The following PRRX2 variants were observed in gnomAD, a reference collection of about 807,000 sequenced individuals.
PRRX2 encodes paired mesoderm homeobox protein 2.
In PRRX2, 11 loss-of-function variants were observed where a neutral mutation model predicts 18.0. The ratio of observed to expected loss-of-function variants is 0.61; its 90% CI spans 0.39 to 1.01. PRRX2 has a LOEUF of 1.01. Ranked by LOEUF, PRRX2 falls within the 50% of genes least tolerant of loss-of-function variation. The pLI, the probability that PRRX2 is intolerant of heterozygous loss-of-function variation, is 0.01. For synonymous variants in PRRX2, 177 were observed against 154.8 expected (o/e 1.14, Z -1.06); for missense variants, 387 against 351.0 (o/e 1.10, Z -0.82).
At chr9:129,669,931 C>G (rs1473086402) in intron 1 of PRRX2, among the ~76,000 whole-genome samples, 2 of 151,510 alleles carry the variant, frequency 1.3e-5, no homozygotes, top group African/African-American at 4.9e-5. Flanking sequence ...CAGTCGCCAC[C>G]ACCATCCATC....
chr9:129,698,270 G>T (rs1176916351), intron 1 of PRRX2, among the ~76,000 whole-genome samples: 1 of 117,608 alleles, frequency 8.5e-6, no homozygotes, highest in Non-Finnish European at 1.9e-5. Flanking sequence ...GGGGGGGGGG[G>T]GGCGGGGGCA....
chr9:129,719,226 C>G lies in PRRX2; in HGVS notation c.260-5C>G. ...CTGACCATCCCGCCCCCCCAACCTCCGCAGGTGAGTGTCCCAGCCCGGGGC... is the reference window on the plus strand; with the variant it reads ...CTGACCATCCCGCCCCCCCAACCTCGGCAGGTGAGTGTCCCAGCCCGGGGC... On this transcript the variant is annotated splice_polypyrimidine_tract_variant and splice_region_variant and intron_variant, in intron 1 of 3. Coordinates refer to ENST00000372469, the MANE Select transcript of PRRX2 (RefSeq NM_016307.4). The G allele has an allele frequency of 6.3e-7, 1 of 1,577,758 alleles. No homozygotes were observed. Among genetic ancestry groups the G allele is most frequent in the Non-Finnish European group, 8.6e-7 (1 of 1,161,486 alleles).
At chr9:129,703,117 C>G (rs1052085070) in intron 1 of PRRX2, among the ~76,000 whole-genome samples, 2 of 152,210 alleles carry the variant, frequency 1.3e-5, no homozygotes, top group Non-Finnish European at 2.9e-5. Flanking sequence ...GGCCCCGTGC[C>G]CAGACTCTGA....
intron 1 of PRRX2, among the ~76,000 whole-genome samples, chr9:129,667,899 C>T (rs7032080): frequency 0.44 from 67,179 of 152,032 alleles, 15,401 homozygotes; most frequent in African/African-American, 0.55. Context: ...TCCTGGAGAG[C>T]CCATGAGGCC....
intron 1 of PRRX2, among the ~76,000 whole-genome samples, chr9:129,701,819 G>A (rs1306167318): frequency 6.6e-6 from 1 of 152,224 alleles, no homozygotes; most frequent in Admixed American, 6.5e-5. Context: ...ATGTCCTTAG[G>A]CCAGGCGCAG....
At chr9:129,702,464 A>C in intron 1 of PRRX2, among the ~76,000 whole-genome samples, 1 of 152,118 alleles carries the variant, frequency 6.6e-6, no homozygotes, top group South Asian at 2.1e-4. Context: ...TGTGCTGTCC[A>C]ATGTGGCGGC....
chr9:129,688,939 A>AGT (rs1189996143), intron 1 of PRRX2, among the ~76,000 whole-genome samples: 2 of 152,202 alleles, frequency 1.3e-5, no homozygotes, highest in African/African-American at 4.8e-5. Context: ...AGGAAAGGAA[A>AGT]GTGTCTGTCC....
At position 129,722,497 on chromosome 9, in the gene PRRX2, G is replaced by A. The variant is rs780394237; in HGVS notation, c.*145G>A. The stretch of plus-strand genomic sequence containing the variant: ...ACTCCCGAGCCCACGAGGCTGTTGA[G>A]GCCCCTGCAGCCGGGCCCAGCTCTT... On this transcript the variant is annotated 3_prime_UTR_variant, in exon 4 of 4. Transcript: ENST00000372469. 2 of 915,170 alleles carry A rather than the reference G, an allele frequency of 2.2e-6. No individual in the cohort carries two copies. Among genetic ancestry groups the A allele is most frequent in the Non-Finnish European group, 2.9e-6 (2 of 695,116 alleles). The allele number at this position is 915,170 out of a possible 1,614,324, so 56.7% of individuals were successfully genotyped here.
chr9:129,669,267 C>T (rs748165371), intron 1 of PRRX2, among the ~76,000 whole-genome samples: 8 of 152,190 alleles, frequency 5.3e-5, no homozygotes, highest in African/African-American at 1.7e-4. Context: ...CCGGGAAGAC[C>T]GTGGCTTCGC....
intron 1 of PRRX2, among the ~76,000 whole-genome samples, chr9:129,702,253 C>G (rs777571656): frequency 1.3e-5 from 2 of 149,932 alleles, no homozygotes; most frequent in Non-Finnish European, 3.0e-5. Context: ...AAAGCATTAG[C>G]TGGGCATGGT....
intron 1 of PRRX2, among the ~76,000 whole-genome samples, chr9:129,704,172 A>G (rs1028141397): frequency 1.3e-5 from 2 of 152,188 alleles, no homozygotes; most frequent in Non-Finnish European, 2.9e-5. Context: ...AGAGTTCTCA[A>G]GGGGGGTTCA....
In PRRX2 at chr9:129,665,838, C is replaced by A; in HGVS notation, c.-30C>A. 9.7e-7 allele frequency: 1 copy of A among 1,028,348 alleles called. No homozygotes were observed. Among genetic ancestry groups the A allele is most frequent in the Non-Finnish European group, 1.2e-6 (1 of 860,198 alleles). 63.7% of individuals were successfully genotyped at this position (1,028,348 alleles called of 1,614,324 possible). On this transcript the variant is annotated 5_prime_UTR_variant, in exon 1 of 4. Coordinates refer to ENST00000372469, the MANE Select transcript of PRRX2 (RefSeq NM_016307.4). This position sits in a 1 kb window ranked among gnomAD's most constrained non-coding sequence, Gnocchi z 5.3. The stretch of plus-strand genomic sequence containing the variant: ...TTCCTGGGACCCGAGCCCGAGACCC[C>A]CGCCGGCCCCCCCGGGGCCGCTCGC...
chr9:129,670,538 C>T (rs946285910), intron 1 of PRRX2, among the ~76,000 whole-genome samples: 7 of 152,230 alleles, frequency 4.6e-5, no homozygotes, highest in Admixed American at 2.0e-4. Flanking sequence ...CCATACCTGG[C>T]TAATTTTTGT....
At chr9:129,682,276 G>A (rs1394721699) in intron 1 of PRRX2, among the ~76,000 whole-genome samples, 1 of 152,038 alleles carries the variant, frequency 6.6e-6, no homozygotes, top group Non-Finnish European at 1.5e-5. Flanking sequence ...AGAGAGATAG[G>A]AAGCACTTCA....
intron 1 of PRRX2, among the ~76,000 whole-genome samples, chr9:129,702,229 C>T (rs986224665): frequency 1.5e-4 from 22 of 151,454 alleles, no homozygotes; most frequent in Non-Finnish European, 2.7e-4. Context: ...AACCCTGTCT[C>T]TACTAAAAAT....
At chr9:129,672,292 A>G (rs73670155) in intron 1 of PRRX2, among the ~76,000 whole-genome samples, 8,431 of 152,170 alleles carry the variant, frequency 0.055, 267 homozygotes, top group Middle Eastern at 0.1. Flanking sequence ...AGTGACCGGG[A>G]AGCCTCGTGG....
chr9:129,669,256 GC>G (rs949819965), intron 1 of PRRX2, among the ~76,000 whole-genome samples: 92 of 152,302 alleles, frequency 6.0e-4, no homozygotes, highest in African/African-American at 2.1e-3. Context: ...TCCAGAAATG[GC>G]CGGGAAGACC....
At chr9:129,719,096 G>A in intron 1 of PRRX2, 135 bp from the exon 2 acceptor site, 1 of 806,000 alleles carries the variant, frequency 1.2e-6, no homozygotes, top group Non-Finnish European at 1.9e-6. Flanking sequence ...AGGAAGGAAT[G>A]AGGGAGTGAA....
chr9:129,698,420 C>G (rs1013723693), intron 1 of PRRX2, among the ~76,000 whole-genome samples: 5 of 152,332 alleles, frequency 3.3e-5, no homozygotes, highest in Middle Eastern at 6.8e-3. Flanking sequence ...TCAGCAGTTC[C>G]CCGAGTTCCC....
Sources: allele counts gnomAD v4.1 joint callset (sites outside exome capture counted in the v4.1 genomes callset), GRCh38; gene constraint gnomAD v4.1.1; non-coding constraint Gnocchi (gnomAD v3.1); transcripts MANE v1.5; gene names NCBI Gene and HGNC (gene_info 2026-07-23, HGNC 2026-07-21).